Variants in CDK12 observed in about 807,000 individuals in gnomAD.
CDK12 encodes cyclin-dependent kinase 12.
In CDK12, 17 loss-of-function variants were observed where a neutral mutation model predicts 133.8. The ratio of observed to expected loss-of-function variants is 0.13; its 90% CI spans 0.09 to 0.19. CDK12 has a LOEUF of 0.19. Ranked by LOEUF, CDK12 falls within the 10% of genes least tolerant of loss-of-function variation. The pLI, the probability that CDK12 is intolerant of heterozygous loss-of-function variation, is 1.00. For missense variants in CDK12, 1,508 were observed against 1,818.7 expected (o/e 0.83, Z 3.11); for synonymous variants, 694 against 683.6 (o/e 1.02, Z -0.24).
Position 39,497,817 on chromosome 17 carries a change from C to G in CDK12, c.2419+3123C>G, listed in dbSNP as rs1474246491. On this transcript the variant is annotated intron_variant, in intron 5 of 13. Coordinates refer to ENST00000447079, the MANE Select transcript of CDK12 (RefSeq NM_016507.4). Reference sequence around the variant, plus strand: ...ACAGGATCTCTCTATGTTGCACAGGCTGGTCTCTAACTCCTGGGCTCAAGC... The same window carrying G: ...ACAGGATCTCTCTATGTTGCACAGGGTGGTCTCTAACTCCTGGGCTCAAGC... Among the ~76,000 whole-genome samples the G allele has an allele frequency of 2.6e-5, 4 of 152,044 alleles. No individual in the cohort carries two copies. In the East Asian group the frequency reaches 5.8e-4, roughly 22 times the overall value.
intron 2 of CDK12, 40 bp from the exon 3 acceptor site, chr17:39,490,517 T>C (rs2051506052): frequency 6.9e-7 from 1 of 1,445,794 alleles, no homozygotes; most frequent in African/African-American, 1.4e-5. Flanking sequence ...TTGCGTATCT[T>C]TAATTGTAAT....
chr17:39,534,685 A>T (rs1233122751), downstream of CDK12: 1 of 199,562 alleles, frequency 5.0e-6, no homozygotes, highest in Non-Finnish European at 1.0e-5. Flanking sequence ...TCCCCCTCCC[A>T]GCAAAAGGTT....
chr17:39,476,666 G>A (rs2050213618), intron 2 of CDK12, among the ~76,000 whole-genome samples: 1 of 143,990 alleles, frequency 6.9e-6, no homozygotes, highest in African/African-American at 2.6e-5. Context: ...ACCTGCCTTG[G>A]CCCCACAAAG....
intron 1 of CDK12, among the ~76,000 whole-genome samples, chr17:39,464,437 T>C (rs2049153813): frequency 1.3e-5 from 2 of 150,382 alleles, no homozygotes; most frequent in East Asian, 2.0e-4. Flanking sequence ...GGTTTTGCCC[T>C]GTTGCCCAGG....
chr17:39,490,269 A>T (rs1361189390), intron 2 of CDK12, among the ~76,000 whole-genome samples: 1 of 151,800 alleles, frequency 6.6e-6, no homozygotes, highest in East Asian at 2.0e-4. Context: ...TGGGAAGCTG[A>T]GGTAGGAGAA....
chr17:39,495,379 CAT>C (rs1381089175), intron 5 of CDK12, among the ~76,000 whole-genome samples: 2 of 137,652 alleles, frequency 1.5e-5, no homozygotes, highest in Admixed American at 8.1e-5. Flanking sequence ...TGACTGGCCT[CAT>C]GTGTTTTTTT....
intron 2 of CDK12, among the ~76,000 whole-genome samples, chr17:39,473,561 G>A (rs779921588): frequency 3.3e-5 from 5 of 151,970 alleles, no homozygotes; most frequent in Admixed American, 6.6e-5. Context: ...TGGCCAACAC[G>A]ATGGAACCCC....
rs984086490 is a variant in CDK12 at position 39,531,934 on chromosome 17, T to C, written c.*618T>C. 3.9e-5 allele frequency: 9 copies of C among 233,580 alleles called. No individual in the cohort carries two copies. The highest frequency in any genetic ancestry group is 1.5e-4 in the African/African-American group (7 of 45,310). The allele number at this position is 233,580 out of a possible 1,614,324, so 14.5% of individuals were successfully genotyped here. On this transcript the variant is annotated 3_prime_UTR_variant, in exon 14 of 14. Transcript: ENST00000447079. ...TCCCCATTGAGCATCTTGAACATACTTTTTTTCCAAATAAATTACTCATCC... is the reference window on the plus strand; with the variant it reads ...TCCCCATTGAGCATCTTGAACATACCTTTTTTCCAAATAAATTACTCATCC...
rs889891920 is a variant in CDK12, at chr17:39,501,207, C to G, written c.2420-43C>G. On this transcript the variant is annotated intron_variant, in intron 5 of 13. Coordinates refer to ENST00000447079, the MANE Select transcript of CDK12 (RefSeq NM_016507.4). ...CTTGAGGCATTGTTATTTCAGCATT[C>G]TTTTTTTTTTCTTGCTTTTAATTTT... is the stretch of plus-strand genomic sequence containing the variant. 13 of 1,213,070 alleles carry G rather than the reference C, an allele frequency of 1.1e-5. No individual in the cohort carries two copies. The African/African-American group carries it at 1.9e-4, about 17-fold the overall frequency. The allele number at this position is 1,213,070 out of a possible 1,614,324, so 75.1% of individuals were successfully genotyped here.
chr17:39,531,261 G>A lies in CDK12; in HGVS notation c.4418G>A (p.Arg1473Gln), dbSNP rs562860050. The A allele has an allele frequency of 4.2e-5, 64 of 1,510,454 alleles. No homozygotes were observed. Among genetic ancestry groups the A allele is most frequent in the South Asian group, 9.6e-5 (7 of 72,554 alleles). 93.6% of individuals were successfully genotyped at this position (1,510,454 alleles called of 1,614,324 possible). ...TCTTCTGCTTATGGAAAACTCTATC[G>A]GGGGCCTACAAGAGTCCCACCAAGA... ...TQSSAYGKLY[R>Q]GPTRVPPRGG... The change falls in exon 14 of 14, where the codon CGG becomes CAG. Residue 1473 changes from arginine (R) to glutamine (Q), a missense_variant. This residue lies in a region of CDK12 where 114 missense variants were observed against 101.2 expected (regional missense o/e 1.13). Coordinates refer to ENST00000447079, the MANE Select transcript of CDK12 (RefSeq NM_016507.4).
At chr17:39,516,181 C>T (rs2053790734) in intron 9 of CDK12, among the ~76,000 whole-genome samples, 1 of 152,038 alleles carries the variant, frequency 6.6e-6, no homozygotes, top group Admixed American at 6.5e-5. Flanking sequence ...AAAAATAGGT[C>T]CCCGCCTTCA....
rs192282708 is a variant in CDK12, at chr17:39,534,078, G to A, written c.*2762G>A. ...AGTGGGAGGCAAAACTGGTTTGACC[G>A]TGATCATTTTTGTGGTTTTGAAAAC... On this transcript the variant is annotated 3_prime_UTR_variant, in exon 14 of 14. Coordinates refer to ENST00000447079, the MANE Select transcript of CDK12 (RefSeq NM_016507.4). The A allele has an allele frequency of 7.7e-5, 18 of 232,568 alleles. No individual in the cohort carries two copies. The highest frequency in any genetic ancestry group is 6.2e-4 in the Admixed American group (11 of 17,766). The allele number at this position is 232,568 out of a possible 1,614,324, so 14.4% of individuals were successfully genotyped here. A position where few individuals can be genotyped will look rare whatever the true frequency, so the allele number is the denominator to read the frequency against.
chr17:39,559,352 T>C (rs959101537), intron 3 of CDK12, among the ~76,000 whole-genome samples: 1 of 152,250 alleles, frequency 6.6e-6, no homozygotes, highest in African/African-American at 2.4e-5. Context: ...TGTTCTCATA[T>C]GTATATATAT....
At chr17:39,491,306 C>T (rs1293267176) in intron 3 of CDK12, among the ~76,000 whole-genome samples, 1 of 152,142 alleles carries the variant, frequency 6.6e-6, no homozygotes, top group Non-Finnish European at 1.5e-5. Context: ...GATGCTATCT[C>T]TGCTTACCGC....
chr17:39,485,510 C>G (rs2051052191), intron 2 of CDK12, among the ~76,000 whole-genome samples: 1 of 147,340 alleles, frequency 6.8e-6, no homozygotes, highest in African/African-American at 2.5e-5. Flanking sequence ...CTCCCGGGTT[C>G]AGGTGATTCC....
chr17:39,522,771 G>C (rs776399938), intron 11 of CDK12, among the ~76,000 whole-genome samples: 1 of 152,010 alleles, frequency 6.6e-6, no homozygotes, highest in Non-Finnish European at 1.5e-5. Context: ...AAGATCTTTC[G>C]GTCGAGCGCG....
intron 2 of CDK12, among the ~76,000 whole-genome samples, chr17:39,554,334 G>A (rs1567818081): frequency 1.3e-5 from 2 of 152,222 alleles, no homozygotes; most frequent in Non-Finnish European, 2.9e-5. Context: ...GGACTCCTAT[G>A]CTGGCTGAAC....
At chr17:39,555,132 C>G (rs1326091831) in intron 2 of CDK12, among the ~76,000 whole-genome samples, 1 of 151,816 alleles carries the variant, frequency 6.6e-6, no homozygotes, top group Non-Finnish European at 1.5e-5. Flanking sequence ...GTAATCCCAG[C>G]TACTCAGGAG....
chr17:39,495,781 C>T (rs1161603236), intron 5 of CDK12, among the ~76,000 whole-genome samples: 6 of 144,020 alleles, frequency 4.2e-5, no homozygotes, highest in African/African-American at 1.0e-4. Flanking sequence ...GGCAATAGAG[C>T]GAGACTCCGC....
Sources: allele counts gnomAD v4.1 joint callset (sites outside exome capture counted in the v4.1 genomes callset), GRCh38; gene constraint gnomAD v4.1.1; regional missense constraint gnomAD v4.1.1; transcripts MANE v1.5; gene names NCBI Gene and HGNC (gene_info 2026-07-23, HGNC 2026-07-21).